Variants in LTBR observed in about 807,000 individuals in gnomAD.
The protein encoded by LTBR is tumor necrosis factor receptor superfamily member 3.
Under a neutral mutation model 45.4 loss-of-function variants are expected in LTBR, and 15 were observed. The ratio of observed to expected loss-of-function variants is 0.33; its 90% CI spans 0.22 to 0.51. LTBR has a LOEUF of 0.51. Ranked by LOEUF, LTBR falls within the 20% of genes least tolerant of loss-of-function variation. The pLI is 0.97. For synonymous variants in LTBR, 228 were observed against 231.0 expected (o/e 0.99, Z 0.12); for missense variants, 450 against 565.5 (o/e 0.80, Z 2.07).
intron 1 of LTBR, chr12:6,375,674 T>G: frequency 6.8e-7 from 1 of 1,463,748 alleles, no homozygotes; most frequent in East Asian, 2.6e-5. Context: ...CGAGGGCAGG[T>G]GAACTGGGAG....
intron 1 of LTBR, among the ~76,000 whole-genome samples, chr12:6,376,682 G>C (rs956410084): frequency 5.3e-5 from 8 of 152,210 alleles, no homozygotes; most frequent in African/African-American, 1.7e-4. Context: ...AGGAGGGTCA[G>C]AGAATCAGAC....
upstream of LTBR, among the ~76,000 whole-genome samples, chr12:6,383,602 G>T (rs1043234864): frequency 6.6e-6 from 1 of 152,160 alleles, no homozygotes; most frequent in African/African-American, 2.4e-5. Flanking sequence ...GCTCTCAAGG[G>T]TCTCCTAGGT....
intron 9 of LTBR, 144 bp from the exon 10 acceptor site, chr12:6,390,516 A>C: frequency 9.6e-7 from 1 of 1,037,334 alleles, no homozygotes; most frequent in Non-Finnish European, 1.4e-6. Context: ...GAAGCAGAGA[A>C]ATGAACACAG....
At chr12:6,377,991 G>A (rs1400221421) in intron 1 of LTBR, among the ~76,000 whole-genome samples, 1 of 152,182 alleles carries the variant, frequency 6.6e-6, no homozygotes, top group Non-Finnish European at 1.5e-5. Flanking sequence ...AGAAATCTGA[G>A]ACCTGGACTT....
intron 2 of LTBR, 25 bp downstream of exon 2, chr12:6,384,709 C>G: frequency 3.1e-6 from 5 of 1,608,264 alleles, no homozygotes; most frequent in Non-Finnish European, 4.3e-6. Context: ...CAGGACGAAC[C>G]TGGGCCTCGG....
At chr12:6,378,113 T>C (rs1376612342) in intron 1 of LTBR, among the ~76,000 whole-genome samples, 1 of 152,234 alleles carries the variant, frequency 6.6e-6, no homozygotes, top group Non-Finnish European at 1.5e-5. Flanking sequence ...GAGCTTCCCT[T>C]AGTCCCCTTC....
At position 6,386,452 on chromosome 12, in the gene LTBR, A is replaced by AC; in HGVS notation, c.667+10dup. ...TGCCCCCAGAGATGTCAGGTGAGGG[A>AC]CCAGGGCTGAGGGACACGGGGGGGG... On this transcript the variant is annotated intron_variant, in intron 6 of 9. Transcript: ENST00000228918. The surrounding 1 kb of genome is among the most constrained non-coding windows in gnomAD (Gnocchi z 4.1). 6.4e-7 allele frequency: 1 copy of AC among 1,568,392 alleles called. No individual in the cohort carries two copies. Among genetic ancestry groups the AC allele is most frequent in the Non-Finnish European group, 8.6e-7 (1 of 1,157,340 alleles).
intron 1 of LTBR, chr12:6,377,579 C>T: frequency 9.9e-7 from 1 of 1,008,912 alleles, no homozygotes; most frequent in South Asian, 1.3e-5. Flanking sequence ...CTCCTTGGCT[C>T]TGTGAAAAGG....
Position 6,384,418 on chromosome 12 carries a change from C to T in LTBR, c.60C>T (p.Gly20=), listed in dbSNP as rs375428958. The part of the protein sequence containing the change: ...PGLAWGPLVL[G]LFGLLAASQP... The stretch of plus-strand genomic sequence containing the variant: ...TGGCCTGGGGGCCTCTGGTGCTGGG[C>T]CTCTTCGGGCTCCTGGCAGCATCGC... The change falls in exon 1 of 10, where the codon GGC becomes GGT. Residue 20 remains glycine, a synonymous_variant. Transcript: ENST00000228918. 1.3e-6 allele frequency: 2 copies of T among 1,545,284 alleles called. No individual in the cohort carries two copies. The highest frequency in any genetic ancestry group is 1.4e-5 in the African/African-American group (1 of 73,494).
chr12:6,380,057 G>A (rs1283135982), upstream of LTBR, among the ~76,000 whole-genome samples: 1 of 151,694 alleles, frequency 6.6e-6, no homozygotes, highest in Non-Finnish European at 1.5e-5. Flanking sequence ...ATCATTCTTT[G>A]TGGTGGGACA....
upstream of LTBR, among the ~76,000 whole-genome samples, chr12:6,380,689 CAA>C (rs768898177): frequency 3.6e-4 from 30 of 84,250 alleles, no homozygotes; most frequent in Admixed American, 5.4e-4. Context: ...GACTCTGTCT[CAA>C]AAAAAAAAAA....
In LTBR at chr12:6,386,403, C is replaced by A; in HGVS notation, c.626C>A (p.Thr209Asn). ...CCAGGCACTGCCCAGTCCGACACAA[C>A]CTGCAAAAATCCATTAGAGCCACTG... The part of the protein sequence containing the change: ...AAPGTAQSDT[T>N]CKNPLEPLPP... Residue 209 changes from threonine (T) to asparagine (N), a missense_variant, in exon 6 of 10, where the codon ACC (threonine) becomes AAC (asparagine). By Grantham distance (65) the Thr-to-Asn change is moderately conservative. Coordinates refer to ENST00000228918, the MANE Select transcript of LTBR (RefSeq NM_002342.3). This position sits in a 1 kb window ranked among gnomAD's most constrained non-coding sequence, Gnocchi z 4.1. 6.2e-7 allele frequency: 1 copy of A among 1,613,842 alleles called. No homozygotes were observed. The highest frequency in any genetic ancestry group is 8.5e-7 in the Non-Finnish European group (1 of 1,179,960).
In LTBR at chr12:6,388,895, G is replaced by A. The variant is rs1233636749; in HGVS notation, c.801+70G>A. 1.3e-6 allele frequency: 2 copies of A among 1,579,334 alleles called. No homozygotes were observed. Among genetic ancestry groups the A allele is most frequent in the South Asian group, 1.1e-5 (1 of 90,048 alleles). The stretch of plus-strand genomic sequence containing the variant: ...TGAGGGTACAAGGTGGAGCAGACAG[G>A]AAGAGAGTATGCAGGCTGACTCCAC... On this transcript the variant is annotated intron_variant, in intron 8 of 9. Transcript: ENST00000228918. The surrounding 1 kb of genome is among the most constrained non-coding windows in gnomAD (Gnocchi z 4.3).
At chr12:6,389,012 A>G in intron 8 of LTBR, 187 bp downstream of exon 8, 1 of 613,534 alleles carries the variant, frequency 1.6e-6, no homozygotes, top group Non-Finnish European at 2.9e-6. Flanking sequence ...AGCAAAACAC[A>G]GTACCTCATT....
upstream of LTBR, among the ~76,000 whole-genome samples, chr12:6,381,998 A>G (rs1030702086): frequency 3.3e-5 from 5 of 152,154 alleles, no homozygotes; most frequent in African/African-American, 9.7e-5. Context: ...AGAAGAGAAG[A>G]GAAGAGGTGT....
chr12:6,377,171 C>CTCTCTTGCGGCAG, intron 1 of LTBR: 2 of 1,227,772 alleles, frequency 1.6e-6, no homozygotes, highest in Non-Finnish European at 2.3e-6. Flanking sequence ...CTGTGGCTTC[C>CTCTCTTGCGGCAG]TCTCTTGCGG....
Position 6,388,301 on chromosome 12 carries a change from G to T in LTBR, c.668-97G>T, listed in dbSNP as rs750696360. The T allele has an allele frequency of 4.6e-6, 4 of 872,340 alleles. No homozygotes were observed. Among genetic ancestry groups the T allele is most frequent in the Non-Finnish European group, 7.6e-6 (4 of 526,450 alleles). The allele number at this position is 872,340 out of a possible 1,614,324, so 54.0% of individuals were successfully genotyped here. On this transcript the variant is annotated intron_variant, in intron 6 of 9. Transcript: ENST00000228918. This position sits in a 1 kb window ranked among gnomAD's most constrained non-coding sequence, Gnocchi z 4.3. ...GGAAAAAAGCTGCTCCCTTTTCTCT[G>T]TCTGGGTTGCCCAGGGATCTGGAAA...
At chr12:6,380,853 G>A (rs1019954775), upstream of LTBR, among the ~76,000 whole-genome samples, 1 of 152,088 alleles carries the variant, frequency 6.6e-6, no homozygotes, top group African/African-American at 2.4e-5. Context: ...GGCGTCCTGG[G>A]GTGCTCGGTC....
At chr12:6,383,816 G>A (rs1002095228), upstream of LTBR, among the ~76,000 whole-genome samples, 8 of 152,190 alleles carry the variant, frequency 5.3e-5, no homozygotes, top group African/African-American at 1.9e-4. Context: ...CCCTCTCCAT[G>A]ACTGCCCGTC....
Sources: gnomAD v4.1 joint callset for allele counts (sites outside exome capture counted in the v4.1 genomes callset) on GRCh38, gnomAD v4.1.1 for gene constraint, Gnocchi (gnomAD v3.1) non-coding constraint, MANE v1.5 for transcripts, NCBI Gene and HGNC (gene_info 2026-07-23, HGNC 2026-07-21) for gene names.